The following TAFA2 variants were observed in gnomAD, a reference collection of about 807,000 sequenced individuals.
TAFA2 encodes chemokine-like protein TAFA-2.
Under a neutral mutation model 18.8 loss-of-function variants are expected in TAFA2, and 7 were observed. The observed-to-expected ratio is 0.37, with a 90% CI of 0.21 to 0.70. The LOEUF (loss-of-function observed/expected upper bound fraction) is 0.70. TAFA2 is among the 30% of genes least tolerant of loss of function. TAFA2 has a pLI of 0.53. For missense variants in TAFA2, 122 were observed against 158.1 expected, an observed-to-expected ratio of 0.77 and a Z score of 1.23; for synonymous variants, 60 against 54.2, an observed-to-expected ratio of 1.11 and a Z score of -0.47.
At chr12:62,128,518 A>T (rs953333449) in intron 1 of TAFA2, among the ~76,000 whole-genome samples, 3 of 152,038 alleles carry the variant, frequency 2.0e-5, no homozygotes, top group Non-Finnish European at 4.4e-5. Context: ...CACAGGTGTA[A>T]ATTGCTTTCA....
chr12:61,764,922 G>A (rs183649143), intron 2 of TAFA2, among the ~76,000 whole-genome samples: 11 of 152,178 alleles, frequency 7.2e-5, no homozygotes, highest in Admixed American at 3.3e-4. Flanking sequence ...AAAACAGCTT[G>A]ATTATGGTCA....
At chr12:61,788,463 T>A (rs1009385920) in intron 2 of TAFA2, among the ~76,000 whole-genome samples, 1 of 151,674 alleles carries the variant, frequency 6.6e-6, no homozygotes, top group Non-Finnish European at 1.5e-5. Flanking sequence ...GGCCACAAAA[T>A]AAATCTTAAT....
intron 1 of TAFA2, among the ~76,000 whole-genome samples, chr12:61,949,137 C>T (rs781330385): frequency 9.2e-5 from 14 of 152,144 alleles, no homozygotes; most frequent in Non-Finnish European, 1.8e-4. Flanking sequence ...GCAGATTGTC[C>T]TCCCTACTGT....
intron 1 of TAFA2, among the ~76,000 whole-genome samples, chr12:62,240,385 C>T (rs2062857292): frequency 1.3e-5 from 2 of 151,012 alleles, no homozygotes; most frequent in Admixed American, 6.6e-5. Flanking sequence ...CGCTATGGCA[C>T]TCCAGCCTGG....
chr12:62,079,385 G>A (rs749949767), intron 1 of TAFA2, among the ~76,000 whole-genome samples: 3 of 151,990 alleles, frequency 2.0e-5, no homozygotes, highest in Non-Finnish European at 2.9e-5. Flanking sequence ...GGGCGCCGTG[G>A]CTCACACCTG....
At chr12:61,973,796 C>T (rs550222326) in intron 1 of TAFA2, among the ~76,000 whole-genome samples, 1 of 151,820 alleles carries the variant, frequency 6.6e-6, no homozygotes, top group African/African-American at 2.4e-5. Context: ...CCTGGCTACA[C>T]CCAAGACTGG....
intron 1 of TAFA2, among the ~76,000 whole-genome samples, chr12:61,916,927 T>C (rs1876843929): frequency 6.6e-6 from 1 of 152,246 alleles, no homozygotes; most frequent in Non-Finnish European, 1.5e-5. Context: ...AAATGTATTC[T>C]TAATAGCTAC....
chr12:62,097,474 T>A (rs1240280547), intron 1 of TAFA2, among the ~76,000 whole-genome samples: 1 of 151,788 alleles, frequency 6.6e-6, no homozygotes, highest in East Asian at 1.9e-4. Flanking sequence ...ACGGGAAGAG[T>A]GAAACTGGCA....
intron 1 of TAFA2, among the ~76,000 whole-genome samples, chr12:61,926,461 A>G (rs1877297436): frequency 6.6e-6 from 1 of 152,230 alleles, no homozygotes; most frequent in African/African-American, 2.4e-5. Flanking sequence ...AATACGGGCA[A>G]ACCAAATCCA....
intron 1 of TAFA2, among the ~76,000 whole-genome samples, chr12:62,000,918 G>A (rs193151380): frequency 6.6e-6 from 1 of 152,176 alleles, no homozygotes; most frequent in Admixed American, 6.5e-5. Context: ...TGTGGGAGAG[G>A]GACATGAGAA....
chr12:62,077,714 C>T, intron 1 of TAFA2, among the ~76,000 whole-genome samples: 1 of 152,170 alleles, frequency 6.6e-6, no homozygotes, highest in East Asian at 1.9e-4. Flanking sequence ...CCAGTATTGC[C>T]TGTCTGCCCC....
intron 1 of TAFA2, among the ~76,000 whole-genome samples, chr12:62,039,468 T>C (rs1881700803): frequency 6.6e-6 from 1 of 152,124 alleles, no homozygotes; most frequent in South Asian, 2.1e-4. Context: ...ACTGGGTTCT[T>C]ACTCACTCTG....
At chr12:62,216,147 G>A (rs918869772) in intron 1 of TAFA2, among the ~76,000 whole-genome samples, 1 of 152,142 alleles carries the variant, frequency 6.6e-6, no homozygotes, top group Admixed American at 6.6e-5. Flanking sequence ...CAGCATATGG[G>A]GGTAAAGTAA....
At chr12:61,803,897 A>G (rs1871501548) in intron 2 of TAFA2, among the ~76,000 whole-genome samples, 1 of 152,038 alleles carries the variant, frequency 6.6e-6, no homozygotes. Flanking sequence ...ATTTTAAAAA[A>G]ATGACAATAG....
At chr12:62,141,100 A>C (rs551009423) in intron 1 of TAFA2, among the ~76,000 whole-genome samples, 1 of 152,326 alleles carries the variant, frequency 6.6e-6, no homozygotes, top group African/African-American at 2.4e-5. Flanking sequence ...GTCTCAGAGA[A>C]GTTAAGTAAA....
intron 1 of TAFA2, among the ~76,000 whole-genome samples, chr12:62,043,140 A>G (rs763715889): frequency 6.6e-6 from 1 of 152,182 alleles, no homozygotes; most frequent in Non-Finnish European, 1.5e-5. Context: ...ATCCTGCTGT[A>G]TTTAAGAAGA....
rs867338025 is a variant in TAFA2 at position 61,851,814 on chromosome 12, A to C, written c.106+15506T>G. 1.8e-4 allele frequency among the ~76,000 whole-genome samples: 24 copies of C among 135,224 alleles called. No homozygotes were observed. In the South Asian group the frequency reaches 5.4e-3, roughly 30 times the overall value. 88.7% of individuals were successfully genotyped at this position (135,224 alleles called of 152,430 possible). A position where few individuals can be genotyped will look rare whatever the true frequency, so the allele number is the denominator to read the frequency against. ...AAAAAAAAAAAAAAAAAAAAAAAAA[A>C]AAAACATGTTCTAAGTAGAGAAATA... On this transcript the variant is annotated intron_variant, in intron 2 of 4. Transcript: ENST00000416284.
chr12:62,197,708 T>C (rs2136965857), upstream of TAFA2, among the ~76,000 whole-genome samples: 1 of 152,346 alleles, frequency 6.6e-6, no homozygotes, highest in East Asian at 1.9e-4. Flanking sequence ...TTTTATGTGT[T>C]CTTTTTTTGT....
intron 1 of TAFA2, among the ~76,000 whole-genome samples, chr12:61,944,995 A>G (rs1444775872): frequency 1.3e-5 from 2 of 150,784 alleles, no homozygotes; most frequent in Admixed American, 6.6e-5. Flanking sequence ...TGGCAGAGAC[A>G]CAACCAAAAA....
Sources: allele counts gnomAD v4.1 joint callset (sites outside exome capture counted in the v4.1 genomes callset), GRCh38; gene constraint gnomAD v4.1.1; transcripts MANE v1.5; gene names NCBI Gene and HGNC (gene_info 2026-07-23, HGNC 2026-07-21).